ZBED6: variants seen among roughly 807,000 people sequenced by gnomAD.
ZBED6 encodes zinc finger BED-type containing 6.
ZBED6 carries 40 observed loss-of-function variants against 58.4 expected under a neutral mutation model. That is an observed-to-expected ratio of 0.68 (90% CI 0.53 to 0.89). ZBED6 has a LOEUF of 0.89. Among genes scored for constraint, ZBED6 ranks in the 40% least tolerant of loss-of-function variants. ZBED6 has a pLI of 0.00. For missense variants in ZBED6, 1,057 were observed against 1,003.9 expected (o/e 1.05, Z -0.71); for synonymous variants, 439 against 350.6 (o/e 1.25, Z -2.82).
rs75949218 is a variant in ZBED6, at chr1:203,844,744, G to A, written c.*3742-2440G>A. ...TGGACTGAAGATGGGAGGTCTGGGG[G>A]CTCATACAATTGCCACAGTAAGACT... On this transcript the variant is annotated intron_variant, in intron 11 of 16. Transcript: ENST00000550078. Among the ~76,000 whole-genome samples the A allele has an allele frequency of 7.1e-3, 1,078 of 152,150 alleles. 20 individuals are homozygous for A. The highest frequency in any genetic ancestry group is 0.025 in the African/African-American group (1,038 of 41,496).
intron 11 of ZBED6, among the ~76,000 whole-genome samples, chr1:203,841,160 T>TA (rs1430200018): frequency 2.0e-5 from 3 of 150,436 alleles, no homozygotes; most frequent in Admixed American, 6.7e-5. Flanking sequence ...TTTTTTTATT[T>TA]TTTTTTTTAG....
In ZBED6 at chr1:203,850,065, A is replaced by G. The variant is rs773319349; in HGVS notation, c.*4638+39A>G. The G allele has an allele frequency of 6.9e-6, 11 of 1,585,844 alleles. No individual in the cohort carries two copies. In the African/African-American group the frequency reaches 9.5e-5, roughly 14 times the overall value. ...TACTGTGTATTGCTTTAGGTTATCA[A>G]AATTACCAAATTCAACCCAATTGTT... On this transcript the variant is annotated intron_variant, in intron 14 of 16. Transcript: ENST00000550078.
chr1:203,825,264 T>G (rs1558118850), intron 3 of ZBED6, among the ~76,000 whole-genome samples: 1 of 152,096 alleles, frequency 6.6e-6, no homozygotes, highest in Non-Finnish European at 1.5e-5. Context: ...CTATTTCCCT[T>G]AGGAATAATG....
chr1:203,850,995 A>G (rs1276233288), intron 15 of ZBED6, 62 bp from the exon 16 acceptor site: 1 of 1,569,108 alleles, frequency 6.4e-7, no homozygotes, highest in Admixed American at 1.8e-5. Context: ...GCAAAAGAAA[A>G]TGAATATGCT....
At position 203,828,295 on chromosome 1, in the gene ZBED6, A is replaced by G. The variant is rs201192124; in HGVS notation, c.*2874-4A>G. ...TGAAAGCAATGTGTTTTTCCCTCTT[A>G]CAGAAAAAACGCAGTGAAATTCCTT... On this transcript the variant is annotated splice_polypyrimidine_tract_variant and splice_region_variant and intron_variant, in intron 3 of 16. Coordinates refer to ENST00000550078, the Ensembl canonical transcript of ZBED6. 1.9e-5 allele frequency: 31 copies of G among 1,613,982 alleles called. No individual in the cohort carries two copies. The African/African-American group carries it at 2.5e-4, about 13-fold the overall frequency.
chr1:203,832,964 T>G lies in ZBED6; in HGVS notation c.*3511-827T>G, dbSNP rs1682881457. Among the ~76,000 whole-genome samples the G allele has an allele frequency of 2.6e-5, 4 of 152,350 alleles. 1 individual carries two copies. In the South Asian group the frequency reaches 8.3e-4, roughly 32 times the overall value. On this transcript the variant is annotated intron_variant, in intron 8 of 16. Transcript: ENST00000550078. ...TAGTACTATTCTAGGCTGTGCGCAG[T>G]GGCTTACATGTATAATCCCAGCACT...
intron 16 of ZBED6, 96 bp downstream of exon 16, chr1:203,851,220 C>G (rs2103467454): frequency 4.5e-6 from 5 of 1,102,614 alleles, no homozygotes; most frequent in Non-Finnish European, 6.5e-6. Context: ...TAGCAACATT[C>G]AAATAAATCT....
intron 11 of ZBED6, among the ~76,000 whole-genome samples, chr1:203,846,115 CAAAAAA>C (rs34793133): frequency 1.9e-5 from 1 of 53,182 alleles, no homozygotes; most frequent in Non-Finnish European, 3.6e-5. Context: ...TCGTCTTTAC[CAAAAAA>C]AAAAAAAAAA....
At chr1:203,841,839 C>A (rs1042870848) in intron 11 of ZBED6, among the ~76,000 whole-genome samples, 26 of 146,598 alleles carry the variant, frequency 1.8e-4, no homozygotes, top group Middle Eastern at 3.4e-3. Flanking sequence ...CCTCACTTCG[C>A]AGACGGGGCG....
chr1:203,827,636 C>T (rs1444715368), intron 3 of ZBED6, among the ~76,000 whole-genome samples: 6 of 150,554 alleles, frequency 4.0e-5, no homozygotes, highest in South Asian at 2.1e-4. Flanking sequence ...GAGCGGAGAT[C>T]GCGCCACTGC....
intron 12 of ZBED6, 92 bp from the exon 13 acceptor site, chr1:203,848,239 C>G: frequency 1.9e-6 from 2 of 1,040,004 alleles, no homozygotes; most frequent in East Asian, 2.4e-5. Flanking sequence ...TCCTGTCTTA[C>G]TACTTTCATT....
chr1:203,812,105 C>T (rs12118643), intron 1 of ZBED6, among the ~76,000 whole-genome samples: 74,175 of 152,022 alleles, frequency 0.49, 18,664 homozygotes, highest in Non-Finnish European at 0.53. Flanking sequence ...GTATGAGTCA[C>T]CACACTGGGC....
rs779638367 is a variant in ZBED6, at chr1:203,833,788, CAGG to C, written c.*3511_*3513del. 1.2e-6 allele frequency: 2 copies of C among 1,604,944 alleles called. No homozygotes were observed. Among genetic ancestry groups the C allele is most frequent in the Non-Finnish European group, 1.7e-6 (2 of 1,176,880 alleles). On this transcript the variant is annotated splice_acceptor_variant and 3_prime_UTR_variant, in exon 9 of 17. Coordinates refer to ENST00000550078, the Ensembl canonical transcript of ZBED6. LOFTEE classifies it low-confidence loss of function (3UTR_SPLICE). ...TAGAGAAATTCTGCTTTTGCCATTT[CAGG>C]AGAAGAACCCTTGGTTAGATTGAGT... is the stretch of plus-strand genomic sequence containing the variant.
rs1047416485 is a variant in ZBED6, at chr1:203,812,131, A to C, written c.*2555-4795A>C. ...CACACTGGGCCTTAACTTTCATTTT[A>C]AATTCAGGGGTACATGTGCAGGATG... On this transcript the variant is annotated intron_variant, in intron 1 of 16. Coordinates refer to ENST00000550078, the Ensembl canonical transcript of ZBED6. Among the ~76,000 whole-genome samples, 6 of 152,092 alleles carry C rather than the reference A, an allele frequency of 3.9e-5. No homozygotes were observed. The South Asian group carries it at 1.2e-3, about 32-fold the overall frequency.
chr1:203,798,836 G>A (rs1381368836), exon 1 of ZBED6: 17 of 1,536,142 alleles, frequency 1.1e-5, no homozygotes, highest in Non-Finnish European at 1.5e-5. Flanking sequence ...GGTTCATGCA[G>A]ATTGTGGCCC....
intron 1 of ZBED6, among the ~76,000 whole-genome samples, chr1:203,809,800 A>C (rs1673709298): frequency 6.6e-6 from 1 of 152,038 alleles, no homozygotes; most frequent in African/African-American, 2.4e-5. Flanking sequence ...CTAAAAATAC[A>C]AAAATTAGCC....
At chr1:203,798,030 T>C in exon 1 of ZBED6, 1 of 1,534,366 alleles carries the variant, frequency 6.5e-7, no homozygotes, top group South Asian at 1.2e-5. Flanking sequence ...TCTTGGTACA[T>C]CTACTCTTCA....
intron 1 of ZBED6, chr1:203,806,077 G>C: frequency 3.9e-6 from 2 of 508,254 alleles, no homozygotes; most frequent in South Asian, 3.1e-5. Context: ...AACTCGCAAG[G>C]CTTTCTGCGT....
At chr1:203,821,196 G>A (rs1678549867) in intron 3 of ZBED6, among the ~76,000 whole-genome samples, 1 of 152,024 alleles carries the variant, frequency 6.6e-6, no homozygotes, top group East Asian at 1.9e-4. Context: ...CCCTTTGCTC[G>A]CGCTCTCTTG....
Sources: allele counts gnomAD v4.1 joint callset (sites outside exome capture counted in the v4.1 genomes callset), GRCh38; gene constraint gnomAD v4.1.1; transcripts MANE v1.5; gene names NCBI Gene and HGNC (gene_info 2026-07-23, HGNC 2026-07-21).